THSD7A: variants seen among roughly 807,000 people sequenced by gnomAD.
THSD7A encodes the protein thrombospondin type 1 domain containing 7A.
In THSD7A, 96 loss-of-function variants were observed where a neutral mutation model predicts 231.3. The ratio of observed to expected loss-of-function variants is 0.41; its 90% CI spans 0.35 to 0.49. THSD7A has a LOEUF of 0.49. Ranked by LOEUF, THSD7A falls within the 20% of genes least tolerant of loss-of-function variation. The probability of loss-of-function intolerance (pLI) is 0.05; values close to 1 mark genes in which losing one functional copy is unlikely to be tolerated. For synonymous variants in THSD7A, 940 were observed against 743.3 expected, an observed-to-expected ratio of 1.26 and a Z score of -4.30; for missense variants, 2,290 against 2,070.2, an observed-to-expected ratio of 1.11 and a Z score of -2.06.
chr7:11,746,836 G>A (rs1288373610), intron 1 of THSD7A, among the ~76,000 whole-genome samples: 1 of 151,788 alleles, frequency 6.6e-6, no homozygotes, highest in African/African-American at 2.4e-5. Flanking sequence ...TGTACCTCCT[G>A]GAGGGGGAGG....
Position 11,563,513 on chromosome 7 carries a change from C to T in THSD7A, c.1454-20396G>A, listed in dbSNP as rs894709332. 3.9e-5 allele frequency among the ~76,000 whole-genome samples: 6 copies of T among 152,174 alleles called. 2 individuals carry two copies. Among genetic ancestry groups the T allele is most frequent in the Admixed American group, 6.5e-5 (1 of 15,286 alleles). ...TAGCTGGGATTACAGGTACACACCA[C>T]CATGTCTGGCTGATTTTTGTATTTT... On this transcript the variant is annotated intron_variant, in intron 4 of 27. Transcript: ENST00000423059.
chr7:11,478,279 G>A (rs1786278466), intron 7 of THSD7A, among the ~76,000 whole-genome samples: 1 of 152,172 alleles, frequency 6.6e-6, no homozygotes, highest in Non-Finnish European at 1.5e-5. Context: ...TGGCCACCTT[G>A]ATGCTGGAAT....
chr7:11,597,305 C>A (rs1780398831), intron 2 of THSD7A, among the ~76,000 whole-genome samples: 1 of 152,180 alleles, frequency 6.6e-6, no homozygotes, highest in Non-Finnish European at 1.5e-5. Flanking sequence ...GGCACAATGG[C>A]TAGTGGGCTT....
intron 1 of THSD7A, among the ~76,000 whole-genome samples, chr7:11,761,737 A>T (rs1378322859): frequency 6.6e-6 from 1 of 151,612 alleles, no homozygotes; most frequent in Non-Finnish European, 1.5e-5. Context: ...TCAGAATTGC[A>T]TTCCTTTCTT....
intron 4 of THSD7A, among the ~76,000 whole-genome samples, chr7:11,583,184 AT>A (rs1188837943): frequency 1.3e-5 from 2 of 152,048 alleles, no homozygotes; most frequent in Non-Finnish European, 2.9e-5. Context: ...ATTTTAAAAA[AT>A]TGGTCTTTTT....
intron 2 of THSD7A, among the ~76,000 whole-genome samples, chr7:11,628,126 T>G (rs1781531505): frequency 6.6e-6 from 1 of 152,164 alleles, no homozygotes; most frequent in Non-Finnish European, 1.5e-5. Flanking sequence ...ATATAACTTA[T>G]AAATAAATAA....
At chr7:11,399,168 T>C (rs553066576) in intron 23 of THSD7A, among the ~76,000 whole-genome samples, 133 of 152,334 alleles carry the variant, frequency 8.7e-4, no homozygotes, top group African/African-American at 3.1e-3. Flanking sequence ...TTAAAGCCAT[T>C]TAAATTTTAG....
At position 11,809,594 on chromosome 7, in the gene THSD7A, G is replaced by A. The variant is rs1784477943; in HGVS notation, c.190+22163C>T. 3.3e-5 allele frequency among the ~76,000 whole-genome samples: 5 copies of A among 152,058 alleles called. No individual in the cohort carries two copies. The South Asian group carries it at 1.0e-3, about 32-fold the overall frequency. On this transcript the variant is annotated intron_variant, in intron 1 of 27. Coordinates refer to ENST00000423059, the MANE Select transcript of THSD7A (RefSeq NM_015204.3). ...TATGAAATTTTATTTTTTTTGTGAAGAGGAGCAATAAGAATTAACTATGGT... is the reference window on the plus strand; with the variant it reads ...TATGAAATTTTATTTTTTTTGTGAAAAGGAGCAATAAGAATTAACTATGGT...
At chr7:11,408,313 T>A (rs1364541729) in intron 19 of THSD7A, among the ~76,000 whole-genome samples, 2 of 151,860 alleles carry the variant, frequency 1.3e-5, no homozygotes, top group Non-Finnish European at 2.9e-5. Context: ...TGGCCAACAT[T>A]GCGAAACCTC....
chr7:11,401,450 C>G (rs1014478334), intron 23 of THSD7A, among the ~76,000 whole-genome samples: 30 of 152,144 alleles, frequency 2.0e-4, no homozygotes, highest in African/African-American at 7.2e-4. Context: ...GAATTTCACT[C>G]TTGTTGCCCA....
At chr7:11,662,991 T>G (rs1782988802) in intron 1 of THSD7A, among the ~76,000 whole-genome samples, 1 of 151,026 alleles carries the variant, frequency 6.6e-6, no homozygotes, top group Non-Finnish European at 1.5e-5. Context: ...ATCTAAGTAT[T>G]CATATAAAGA....
intron 1 of THSD7A, among the ~76,000 whole-genome samples, chr7:11,763,311 A>G (rs1782925476): frequency 6.6e-6 from 1 of 151,806 alleles, no homozygotes; most frequent in Non-Finnish European, 1.5e-5. Context: ...ACTCTTTTCA[A>G]TTTTCAGGTC....
At chr7:11,730,730 C>T (rs1156607797) in intron 1 of THSD7A, among the ~76,000 whole-genome samples, 1 of 151,606 alleles carries the variant, frequency 6.6e-6, no homozygotes, top group African/African-American at 2.4e-5. Flanking sequence ...TCACCGGCAG[C>T]CTTCTAGGAG....
At chr7:11,616,799 T>C (rs1305945390) in intron 2 of THSD7A, among the ~76,000 whole-genome samples, 1 of 152,168 alleles carries the variant, frequency 6.6e-6, no homozygotes, top group East Asian at 1.9e-4. Context: ...CTTTTCCCCT[T>C]ATTCTACTCA....
intron 1 of THSD7A, among the ~76,000 whole-genome samples, chr7:11,645,971 G>A (rs558664798): frequency 3.3e-5 from 5 of 151,916 alleles, no homozygotes; most frequent in Non-Finnish European, 7.4e-5. Flanking sequence ...AGAGTTTATG[G>A]TGCTATAATG....
intron 13 of THSD7A, among the ~76,000 whole-genome samples, chr7:11,434,328 G>C (rs905084272): frequency 2.6e-5 from 4 of 152,072 alleles, no homozygotes; most frequent in African/African-American, 9.7e-5. Context: ...TTAAACTCCA[G>C]ACTTCTGATT....
chr7:11,693,786 A>G (rs1356236122), intron 1 of THSD7A, among the ~76,000 whole-genome samples: 1 of 151,538 alleles, frequency 6.6e-6, no homozygotes, highest in African/African-American at 2.4e-5. Context: ...TGCATGTACC[A>G]TGACATATGG....
intron 1 of THSD7A, among the ~76,000 whole-genome samples, chr7:11,671,839 C>T (rs1472648653): frequency 6.6e-6 from 1 of 152,128 alleles, no homozygotes; most frequent in South Asian, 2.1e-4. Flanking sequence ...TTTTTTCATT[C>T]TGTGGTTGTC....
chr7:11,520,483 A>G (rs985039396), intron 6 of THSD7A, among the ~76,000 whole-genome samples: 1 of 152,204 alleles, frequency 6.6e-6, no homozygotes, highest in Non-Finnish European at 1.5e-5. Context: ...TCTCTTATGC[A>G]TATACTGTAC....
Sources: gnomAD v4.1 joint callset for allele counts (sites outside exome capture counted in the v4.1 genomes callset) on GRCh38, gnomAD v4.1.1 for gene constraint, MANE v1.5 for transcripts, NCBI Gene and HGNC (gene_info 2026-07-23, HGNC 2026-07-21) for gene names.